Variants in IMPG2 observed in about 807,000 individuals in gnomAD.
The protein encoded by IMPG2 is interphotoreceptor matrix proteoglycan 2.
In IMPG2, 91 loss-of-function variants were observed where a neutral mutation model predicts 129.2. That is an observed-to-expected ratio of 0.70 (90% confidence interval 0.59 to 0.84). The LOEUF (loss-of-function observed/expected upper bound fraction) is 0.84. Ranked by LOEUF, IMPG2 falls within the 40% of genes least tolerant of loss-of-function variation. The probability of loss-of-function intolerance (pLI) is 0.00; values close to 1 mark genes in which losing one functional copy is unlikely to be tolerated. For missense variants in IMPG2, 1,430 were observed against 1,461.7 expected, an observed-to-expected ratio of 0.98 and a Z score of 0.35; for synonymous variants, 510 against 517.7, an observed-to-expected ratio of 0.99 and a Z score of 0.20.
intron 18 of IMPG2, among the ~76,000 whole-genome samples, chr3:101,228,155 T>C (rs568748859): frequency 1.3e-5 from 2 of 152,302 alleles, no homozygotes; most frequent in South Asian, 2.1e-4. Flanking sequence ...TGTCTAGTTA[T>C]GGATTGTGGG....
chr3:101,261,191 G>A (rs1261271036), intron 9 of IMPG2, among the ~76,000 whole-genome samples: 1 of 152,064 alleles, frequency 6.6e-6, no homozygotes, highest in Non-Finnish European at 1.5e-5. Context: ...TCTCCAGAAA[G>A]GTGAGTTTCT....
At position 101,225,116 on chromosome 3, in the gene IMPG2, C is replaced by A. The variant is rs1706206757; in HGVS notation, c.*1853G>T. On this transcript the variant is annotated 3_prime_UTR_variant, in exon 19 of 19. Coordinates refer to ENST00000193391, the MANE Select transcript of IMPG2 (RefSeq NM_016247.4). ...TAGGAAAACAGTTTACAGTCTTAAA[C>A]AGAAAACTTTGAAAGTTTTATAAAT... 6.6e-6 allele frequency: 1 copy of A among 152,166 alleles called. No individual in the cohort carries two copies. Among genetic ancestry groups the A allele is most frequent in the South Asian group, 2.1e-4 (1 of 4,826 alleles). 9.4% of individuals were successfully genotyped at this position (152,166 alleles called of 1,614,324 possible).
At chr3:101,314,754 A>C (rs967135700) in intron 2 of IMPG2, among the ~76,000 whole-genome samples, 4 of 152,190 alleles carry the variant, frequency 2.6e-5, no homozygotes, top group African/African-American at 9.7e-5. Context: ...TAAATGAATG[A>C]ATAAAAATCA....
At chr3:101,313,177 A>C (rs142330908) in intron 2 of IMPG2, among the ~76,000 whole-genome samples, 1 of 152,140 alleles carries the variant, frequency 6.6e-6, no homozygotes, top group African/African-American at 2.4e-5. Flanking sequence ...TGGCTTTTCA[A>C]TTAGGAGCTA....
chr3:101,226,829 C>A lies in IMPG2; in HGVS notation c.*140G>T. On this transcript the variant is annotated 3_prime_UTR_variant, in exon 19 of 19. Transcript: ENST00000193391. ...CTGAAAACTTAAGCTGAAAAAAAAA[C>A]AGTGTGCCCTATATTTAATTTTTTC... The A allele has an allele frequency of 5.2e-6, 4 of 769,984 alleles. No individual in the cohort carries two copies. Among genetic ancestry groups the A allele is most frequent in the Non-Finnish European group, 8.6e-6 (4 of 467,246 alleles). The allele number at this position is 769,984 out of a possible 1,614,324, so 47.7% of individuals were successfully genotyped here.
In IMPG2 at chr3:101,251,707, C is replaced by CT. The variant is rs547831670; in HGVS notation, c.1239+1988dup. 4.2e-4 allele frequency among the ~76,000 whole-genome samples: 63 copies of CT among 151,364 alleles called. No homozygotes were observed. The Middle Eastern group carries it at 0.017, about 41-fold the overall frequency. On this transcript the variant is annotated intron_variant, in intron 11 of 18. Coordinates refer to ENST00000193391, the MANE Select transcript of IMPG2 (RefSeq NM_016247.4). ...CCCAACATTCCTAGCTCTAAAATAACTTTTTTTTTAACTCTTTGAATAAAG... is the reference window on the plus strand; with the variant it reads ...CCCAACATTCCTAGCTCTAAAATAACTTTTTTTTTTAACTCTTTGAATAAAG...
Position 101,222,634 on chromosome 3 carries a change from G to A in IMPG2, c.*4335C>T, listed in dbSNP as rs533208659. On this transcript the variant is annotated 3_prime_UTR_variant, in exon 19 of 19. Coordinates refer to ENST00000193391, the MANE Select transcript of IMPG2 (RefSeq NM_016247.4). ...TATTTATTCATAAAGACTTTAAAAT[G>A]TTTATTTCTAATTATCCAATAATAA... 100 of 152,164 alleles carry A rather than the reference G, an allele frequency of 6.6e-4. No homozygotes were observed. Among genetic ancestry groups the A allele is most frequent in the African/African-American group, 2.3e-3 (94 of 41,508 alleles). The allele number at this position is 152,164 out of a possible 1,614,324, so 9.4% of individuals were successfully genotyped here.
chr3:101,288,018 CT>C (rs567497881), intron 4 of IMPG2, among the ~76,000 whole-genome samples: 1 of 152,080 alleles, frequency 6.6e-6, no homozygotes, highest in Non-Finnish European at 1.5e-5. Flanking sequence ...TATCAAGAAT[CT>C]ATAGGGAATT....
In IMPG2 at chr3:101,271,403, T is replaced by C. The variant is rs144464015; in HGVS notation, c.829-1830A>G. Among the ~76,000 whole-genome samples, 123 of 152,332 alleles carry C rather than the reference T, an allele frequency of 8.1e-4. No individual in the cohort carries two copies. The East Asian group carries it at 0.018, about 22-fold the overall frequency. On this transcript the variant is annotated intron_variant, in intron 7 of 18. Coordinates refer to ENST00000193391, the MANE Select transcript of IMPG2 (RefSeq NM_016247.4). The stretch of plus-strand genomic sequence containing the variant: ...AGTCTAAACATGTATAGATATCCAG[T>C]TGCATGAAGTCATTCGACTTCAACA...
intron 2 of IMPG2, among the ~76,000 whole-genome samples, chr3:101,311,965 G>A (rs892059644): frequency 2.0e-5 from 3 of 151,964 alleles, no homozygotes; most frequent in Admixed American, 6.6e-5. Context: ...TCGACAAATG[G>A]TGCTTGGAGA....
chr3:101,316,546 A>T (rs1043734412), intron 2 of IMPG2, among the ~76,000 whole-genome samples: 5 of 152,102 alleles, frequency 3.3e-5, no homozygotes, highest in Admixed American at 6.6e-5. Flanking sequence ...GAAAATGCAA[A>T]TTAATACCAC....
rs370721859 is a variant in IMPG2 at position 101,243,949 on chromosome 3, G to C, written c.2382C>G (p.Ser794=). The C allele has an allele frequency of 6.2e-7, 1 of 1,614,120 alleles. No individual in the cohort carries two copies. The change falls in exon 13 of 19, where the codon TCC becomes TCG. Residue 794 remains serine (S), a synonymous_variant. Transcript: ENST00000193391. ...WTRTSSLEKL[S]RDILASTPQS... ...GTGGTGTACTTGCCAATATGTCTCT[G>C]GACAATTTCTCTAGGGAAGAAGTTC...
intron 5 of IMPG2, 135 bp downstream of exon 5, chr3:101,276,529 C>T: frequency 1.5e-6 from 1 of 670,416 alleles, no homozygotes; most frequent in South Asian, 1.9e-5. Flanking sequence ...TTTCTTGAGA[C>T]TCTTGAAAAA....
At chr3:101,232,693 AAGTATCCTAAAATTATAGGTGC>A (rs1296964335) in intron 15 of IMPG2, 66 bp downstream of exon 15, 7 of 1,063,368 alleles carry the variant, frequency 6.6e-6, no homozygotes, top group Non-Finnish European at 1.0e-5. Context: ...ATACTATAAT[AAGTATCCTAAAATTATAGGTGC>A]AGGCCCCTTT....
intron 9 of IMPG2, among the ~76,000 whole-genome samples, chr3:101,263,437 C>A (rs1038638227): frequency 6.6e-6 from 1 of 151,846 alleles, no homozygotes; most frequent in Non-Finnish European, 1.5e-5. Context: ...GAAAGTTAAA[C>A]AATATGCTCC....
intron 2 of IMPG2, among the ~76,000 whole-genome samples, chr3:101,318,111 G>A (rs1700217207): frequency 6.6e-6 from 1 of 150,428 alleles, no homozygotes; most frequent in African/African-American, 2.4e-5. Flanking sequence ...ACTCCAGCCT[G>A]GGCGACAGAA....
intron 3 of IMPG2, among the ~76,000 whole-genome samples, chr3:101,302,708 A>C (rs539242883): frequency 6.6e-6 from 1 of 152,338 alleles, no homozygotes; most frequent in South Asian, 2.1e-4. Flanking sequence ...ATACTGAATA[A>C]ATAGTAGCTA....
chr3:101,279,229 T>C (rs1706868805), intron 4 of IMPG2, among the ~76,000 whole-genome samples: 1 of 152,202 alleles, frequency 6.6e-6, no homozygotes, highest in African/African-American at 2.4e-5. Flanking sequence ...AGTGCTTTAT[T>C]TAGGTTAACT....
At chr3:101,258,560 C>A (rs982869631) in intron 9 of IMPG2, among the ~76,000 whole-genome samples, 2 of 152,060 alleles carry the variant, frequency 1.3e-5, no homozygotes, top group African/African-American at 4.8e-5. Flanking sequence ...ACTCTAGAAA[C>A]AAGCTCTCTC....
Sources: gnomAD v4.1 joint callset for allele counts (sites outside exome capture counted in the v4.1 genomes callset) on GRCh38, gnomAD v4.1.1 for gene constraint, MANE v1.5 for transcripts, NCBI Gene and HGNC (gene_info 2026-07-23, HGNC 2026-07-21) for gene names.